The following PKIB variants were observed in gnomAD, a reference collection of about 807,000 sequenced individuals.
PKIB encodes the protein PKI-beta.
PKIB carries 2 observed loss-of-function variants against 4.5 expected under a neutral mutation model. The ratio of observed to expected loss-of-function variants is 0.44; its 90% CI spans 0.18 to 1.39. The LOEUF (loss-of-function observed/expected upper bound fraction) is 1.39, where lower values mean the gene tolerates loss of function less well. Among genes scored for constraint, PKIB ranks in the 40% most tolerant of loss-of-function variants. The pLI, the probability that PKIB is intolerant of heterozygous loss-of-function variation, is 0.27. For synonymous variants in PKIB, 38 were observed against 36.0 expected (o/e 1.06, Z -0.20); for missense variants, 94 against 92.6 (o/e 1.02, Z -0.06).
chr6:122,525,390 A>G (rs755582517), intron 2 of PKIB, among the ~76,000 whole-genome samples: 9 of 152,226 alleles, frequency 5.9e-5, no homozygotes, highest in Admixed American at 3.9e-4. Flanking sequence ...TTCTGCCTTA[A>G]TATGTAGTCT....
At chr6:122,542,401 A>AGACAG (rs1307357835) in intron 2 of PKIB, among the ~76,000 whole-genome samples, 1 of 152,070 alleles carries the variant, frequency 6.6e-6, no homozygotes, top group African/African-American at 2.4e-5. Context: ...TCCTTCTAAC[A>AGACAG]GACAGGACCC....
chr6:122,563,760 A>G (rs1773100812), intron 2 of PKIB, among the ~76,000 whole-genome samples: 1 of 152,074 alleles, frequency 6.6e-6, no homozygotes, highest in Non-Finnish European at 1.5e-5. Context: ...CAGCAGTCAC[A>G]GGCCTCACCC....
rs1779918284 is a variant in PKIB, at chr6:122,725,428, GA to G, written c.*235del. The G allele has an allele frequency of 2.1e-6, 1 of 469,300 alleles. No homozygotes were observed. The highest frequency in any genetic ancestry group is 3.9e-6 in the Non-Finnish European group (1 of 257,958). The allele number at this position is 469,300 out of a possible 1,614,324, so 29.1% of individuals were successfully genotyped here. A position where few individuals can be genotyped will look rare whatever the true frequency, so the allele number is the denominator to read the frequency against. On this transcript the variant is annotated 3_prime_UTR_variant, in exon 5 of 5. Transcript: ENST00000368452. ...AAATCGCACTGAAGGAAAAGGTTAA[GA>G]ATAATACATGATCACAGAAATGCAT...
At chr6:122,569,308 C>T (rs1773288188) in intron 2 of PKIB, among the ~76,000 whole-genome samples, 1 of 152,224 alleles carries the variant, frequency 6.6e-6, no homozygotes, top group Admixed American at 6.5e-5. Context: ...GCTGCTACTA[C>T]CACAGCTGGT....
intron 3 of PKIB, among the ~76,000 whole-genome samples, chr6:122,589,359 T>G (rs1773950240): frequency 6.6e-6 from 1 of 152,078 alleles, no homozygotes; most frequent in African/African-American, 2.4e-5. Flanking sequence ...CACATAGCCA[T>G]GTAAAAAGCA....
chr6:122,690,768 G>T (rs565961764), intron 3 of PKIB, among the ~76,000 whole-genome samples: 1 of 151,714 alleles, frequency 6.6e-6, no homozygotes, highest in Non-Finnish European at 1.5e-5. Context: ...GTACCTTCAG[G>T]TGATTTCTTC....
chr6:122,496,839 A>G (rs1776088400), intron 2 of PKIB, among the ~76,000 whole-genome samples: 2 of 152,202 alleles, frequency 1.3e-5, no homozygotes, highest in East Asian at 1.9e-4. Flanking sequence ...TAATCTTGCT[A>G]GAGATTTCTT....
chr6:122,555,486 G>A (rs557542703), intron 2 of PKIB, among the ~76,000 whole-genome samples: 10 of 152,118 alleles, frequency 6.6e-5, no homozygotes, highest in Non-Finnish European at 1.3e-4. Flanking sequence ...ATATATTGTG[G>A]CAAGGACAAT....
rs1442701660 is a variant in PKIB at position 122,524,364 on chromosome 6, T to TTTTTCTTCTCCTCCTCCTCCTTCC, written c.-248+46438_-248+46461dup. Among the ~76,000 whole-genome samples, 5 of 150,426 alleles carry TTTTTCTTCTCCTCCTCCTCCTTCC rather than the reference T, an allele frequency of 3.3e-5. No individual in the cohort carries two copies. The East Asian group carries it at 1.1e-3, about 32-fold the overall frequency. On this transcript the variant is annotated intron_variant, in intron 2 of 6. Transcript: ENST00000392491. The stretch of plus-strand genomic sequence containing the variant: ...CTTCTTCCTCCTCCTCCTCCTCCTC[T>TTTTTCTTCTCCTCCTCCTCCTTCC]TTTTCTTCTCCTCCTCCTCCTTCCT...
At chr6:122,691,394 T>A (rs988249839) in intron 3 of PKIB, among the ~76,000 whole-genome samples, 2 of 152,146 alleles carry the variant, frequency 1.3e-5, no homozygotes, top group African/African-American at 4.8e-5. Context: ...TGCTTTTGTC[T>A]GCTCTGACTG....
Position 122,718,453 on chromosome 6 carries a change from G to A in PKIB, c.169+490G>A, listed in dbSNP as rs1205122630. Among the ~76,000 whole-genome samples, 7 of 152,014 alleles carry A rather than the reference G, an allele frequency of 4.6e-5. 1 individual carries two copies. Among genetic ancestry groups the A allele is most frequent in the Admixed American group, 1.3e-4 (2 of 15,250 alleles). On this transcript the variant is annotated intron_variant, in intron 4 of 4. Coordinates refer to ENST00000368452, the MANE Select transcript of PKIB (RefSeq NM_181795.3). Reference sequence around the variant, plus strand: ...CTTTCAACAGAATTTTTGTATAAAAGGTGATACTTTATATGAAAGTATAAG... The same window carrying A: ...CTTTCAACAGAATTTTTGTATAAAAAGTGATACTTTATATGAAAGTATAAG...
chr6:122,496,056 G>A (rs1461401731), intron 2 of PKIB, among the ~76,000 whole-genome samples: 1 of 152,090 alleles, frequency 6.6e-6, no homozygotes, highest in Admixed American at 6.6e-5. Flanking sequence ...AAAAGCTCAG[G>A]GCACCAGGTA....
intron 2 of PKIB, among the ~76,000 whole-genome samples, chr6:122,574,585 A>G (rs1773472875): frequency 6.6e-6 from 1 of 152,198 alleles, no homozygotes; most frequent in Non-Finnish European, 1.5e-5. Flanking sequence ...GGAACTGCAT[A>G]GAGAACCCAG....
chr6:122,607,333 C>G (rs1427466809), upstream of PKIB, among the ~76,000 whole-genome samples: 4 of 151,620 alleles, frequency 2.6e-5, no homozygotes, highest in African/African-American at 9.7e-5. Flanking sequence ...CAAAACAAAA[C>G]AAAACAAAAA....
chr6:122,722,416 T>C (rs569804055), intron 4 of PKIB, among the ~76,000 whole-genome samples: 11 of 152,304 alleles, frequency 7.2e-5, no homozygotes, highest in Admixed American at 7.2e-4. Context: ...ATTATTATCT[T>C]GAGTTCCTAG....
At chr6:122,702,410 A>T (rs1442644966) in intron 3 of PKIB, among the ~76,000 whole-genome samples, 2 of 144,138 alleles carry the variant, frequency 1.4e-5, no homozygotes, top group Admixed American at 7.3e-5. Flanking sequence ...GCTCACTGCA[A>T]CCTCCACCTC....
chr6:122,475,304 G>A (rs1258127627), intron 1 of PKIB, among the ~76,000 whole-genome samples: 1 of 152,166 alleles, frequency 6.6e-6, no homozygotes, highest in Non-Finnish European at 1.5e-5. Flanking sequence ...CACATCTTCA[G>A]CATAAAGGAA....
Position 122,650,601 on chromosome 6 carries a change from G to C in PKIB, c.-76+17234G>C, listed in dbSNP as rs1300160001. On this transcript the variant is annotated intron_variant, in intron 2 of 4. Transcript: ENST00000368452. Reference sequence around the variant, plus strand: ...ATCAATCTTGTCTTTGATGATTAAGGCTGCCTGGGAGCCAATTATCCTTAT... The same window carrying C: ...ATCAATCTTGTCTTTGATGATTAAGCCTGCCTGGGAGCCAATTATCCTTAT... 3.3e-5 allele frequency among the ~76,000 whole-genome samples: 5 copies of C among 152,186 alleles called. No individual in the cohort carries two copies. The South Asian group carries it at 1.0e-3, about 32-fold the overall frequency.
intron 3 of PKIB, among the ~76,000 whole-genome samples, chr6:122,603,961 A>AGT (rs977231472): frequency 3.3e-5 from 5 of 152,124 alleles, no homozygotes; most frequent in African/African-American, 4.8e-5. Flanking sequence ...GAGAATGGTT[A>AGT]GTGTGTGTGT....
Sources: gnomAD v4.1 joint callset for allele counts (sites outside exome capture counted in the v4.1 genomes callset) on GRCh38, gnomAD v4.1.1 for gene constraint, MANE v1.5 for transcripts, NCBI Gene and HGNC (gene_info 2026-07-23, HGNC 2026-07-21) for gene names.